KCNIP4: variants seen among roughly 807,000 people sequenced by gnomAD.
KCNIP4 encodes the protein Kv channel-interacting protein 4.
Under a neutral mutation model 34.0 loss-of-function variants are expected in KCNIP4, and 12 were observed. That is an observed-to-expected ratio of 0.35 (90% CI 0.23 to 0.57). The LOEUF (loss-of-function observed/expected upper bound fraction) is 0.57. Ranked by LOEUF, KCNIP4 falls within the 20% of genes least tolerant of loss-of-function variation. KCNIP4 has a pLI of 0.83. For synonymous variants in KCNIP4, 124 were observed against 102.2 expected (o/e 1.21, Z -1.29); for missense variants, 238 against 311.7 (o/e 0.76, Z 1.78).
At chr4:20,744,017 C>G (rs1053786230) in intron 5 of KCNIP4, among the ~76,000 whole-genome samples, 12 of 152,086 alleles carry the variant, frequency 7.9e-5, no homozygotes, top group African/African-American at 2.9e-4. Context: ...AAAAAATGCT[C>G]ATCATCACTG....
chr4:21,328,597 T>C (rs1643603827), intron 1 of KCNIP4, among the ~76,000 whole-genome samples: 1 of 152,174 alleles, frequency 6.6e-6, no homozygotes, highest in African/African-American at 2.4e-5. Flanking sequence ...CTGCCTGTGT[T>C]CACTCATTTC....
intron 1 of KCNIP4, among the ~76,000 whole-genome samples, chr4:21,866,761 G>GGT (rs1339275491): frequency 1.0e-5 from 1 of 99,530 alleles, no homozygotes; most frequent in Admixed American, 1.3e-4. Context: ...GTTCAGCCTG[G>GGT]ATTTTTTTTT....
At chr4:21,674,390 C>A (rs191893008) in intron 1 of KCNIP4, among the ~76,000 whole-genome samples, 1 of 152,242 alleles carries the variant, frequency 6.6e-6, no homozygotes, top group Non-Finnish European at 1.5e-5. Flanking sequence ...CTGAATACTT[C>A]TTTGTGAAAG....
At chr4:21,255,915 G>T (rs6850742) in intron 1 of KCNIP4, among the ~76,000 whole-genome samples, 44,824 of 152,012 alleles carry the variant, frequency 0.29, 6,761 homozygotes, top group Middle Eastern at 0.35. Context: ...CCTATAATAT[G>T]TCAAGCAGTT....
chr4:21,327,712 C>A (rs1255719219), intron 1 of KCNIP4, among the ~76,000 whole-genome samples: 1 of 151,942 alleles, frequency 6.6e-6, no homozygotes, highest in Non-Finnish European at 1.5e-5. Context: ...TTCCAGATCA[C>A]GTAGGCATCC....
At chr4:21,410,440 C>T (rs992942737) in intron 1 of KCNIP4, among the ~76,000 whole-genome samples, 1 of 152,104 alleles carries the variant, frequency 6.6e-6, no homozygotes, top group African/African-American at 2.4e-5. Context: ...GTTTTTATTC[C>T]TGCATCACTG....
At chr4:21,036,869 A>G (rs954831281) in intron 1 of KCNIP4, among the ~76,000 whole-genome samples, 5 of 152,242 alleles carry the variant, frequency 3.3e-5, no homozygotes, top group African/African-American at 4.8e-5. Flanking sequence ...TTATAATTAA[A>G]CTAAAAATTT....
chr4:21,757,082 C>CAG (rs1717582478), intron 1 of KCNIP4, among the ~76,000 whole-genome samples: 1 of 138,622 alleles, frequency 7.2e-6, no homozygotes, highest in Non-Finnish European at 1.6e-5. Flanking sequence ...GCCTGAGCAA[C>CAG]AGAGTCCTGT....
chr4:21,775,895 C>T (rs1719140061), intron 1 of KCNIP4, among the ~76,000 whole-genome samples: 2 of 152,168 alleles, frequency 1.3e-5, no homozygotes, highest in South Asian at 4.1e-4. Context: ...AGTTGTGAGT[C>T]CCAGCGCTGG....
chr4:21,189,003 C>T (rs1288677903), intron 1 of KCNIP4, among the ~76,000 whole-genome samples: 1 of 152,164 alleles, frequency 6.6e-6, no homozygotes, highest in Non-Finnish European at 1.5e-5. Context: ...CTTACACACT[C>T]TTTGCATACT....
chr4:20,911,701 G>C (rs186000559), intron 1 of KCNIP4, among the ~76,000 whole-genome samples: 35 of 152,264 alleles, frequency 2.3e-4, no homozygotes, highest in African/African-American at 7.9e-4. Flanking sequence ...TTATAAATAA[G>C]TCAGTGTAGA....
intron 3 of KCNIP4, among the ~76,000 whole-genome samples, chr4:20,814,829 C>G (rs1033206785): frequency 6.6e-6 from 1 of 152,098 alleles, no homozygotes; most frequent in East Asian, 1.9e-4. Flanking sequence ...TATTTCTCAG[C>G]AATGGGCTCA....
intron 1 of KCNIP4, among the ~76,000 whole-genome samples, chr4:21,570,132 C>T (rs17483325): frequency 0.12 from 18,624 of 152,144 alleles, 1,249 homozygotes; most frequent in African/African-American, 0.16. Flanking sequence ...TCCACATTTC[C>T]TACTGGCAAA....
intron 1 of KCNIP4, among the ~76,000 whole-genome samples, chr4:21,821,217 G>T (rs1375557125): frequency 6.6e-6 from 1 of 152,084 alleles, no homozygotes; most frequent in Non-Finnish European, 1.5e-5. Flanking sequence ...GCAGGCAATT[G>T]TCTTGTATGT....
chr4:21,855,610 C>T (rs1724699847), intron 1 of KCNIP4: 4 of 152,164 alleles, frequency 2.6e-5, no homozygotes, highest in Admixed American at 2.6e-4. Context: ...CCTAGAGAAA[C>T]TTGAAACTTC....
At chr4:20,966,953 T>C (rs543596494) in intron 1 of KCNIP4, among the ~76,000 whole-genome samples, 37 of 152,162 alleles carry the variant, frequency 2.4e-4, no homozygotes, top group African/African-American at 8.7e-4. Flanking sequence ...AGAACTGAGG[T>C]TCAGACAGGT....
intron 1 of KCNIP4, among the ~76,000 whole-genome samples, chr4:21,404,305 A>G (rs1473463646): frequency 6.6e-6 from 1 of 152,164 alleles, no homozygotes; most frequent in African/African-American, 2.4e-5. Context: ...TGCTTCTTTT[A>G]GAATACAAGC....
chr4:21,338,606 C>CAAAAA (rs11454380), intron 1 of KCNIP4, among the ~76,000 whole-genome samples: 2 of 139,240 alleles, frequency 1.4e-5, no homozygotes, highest in African/African-American at 5.3e-5. Context: ...GACTCTGCTT[C>CAAAAA]AAAAAAAAAA....
intron 1 of KCNIP4, among the ~76,000 whole-genome samples, chr4:21,080,753 G>C (rs1432875535): frequency 2.0e-5 from 3 of 151,582 alleles, no homozygotes; most frequent in African/African-American, 7.3e-5. Context: ...TTCCTATACT[G>C]TCTAGGCCAG....
Sources: gnomAD v4.1 joint callset for allele counts (sites outside exome capture counted in the v4.1 genomes callset) on GRCh38, gnomAD v4.1.1 for gene constraint, MANE v1.5 for transcripts, NCBI Gene and HGNC (gene_info 2026-07-23, HGNC 2026-07-21) for gene names.